SIDT1: variants seen among roughly 807,000 people sequenced by gnomAD.
The protein encoded by SIDT1 is SID1 transmembrane family member 1, also known as SID1 transmembrane family, member 1.
SIDT1 carries 101 observed loss-of-function variants against 107.5 expected under a neutral mutation model. The observed-to-expected ratio is 0.94, with a 90% CI of 0.80 to 1.11. The LOEUF (loss-of-function observed/expected upper bound fraction) is 1.11, where lower values mean the gene tolerates loss of function less well. SIDT1 is among the 50% of genes least tolerant of loss of function. SIDT1 has a pLI of 0.00. For synonymous variants in SIDT1, 395 were observed against 398.2 expected (o/e 0.99, Z 0.10); for missense variants, 1,076 against 1,058.2 (o/e 1.02, Z -0.23).
chr3:113,534,779 C>T (rs992936071), intron 1 of SIDT1, among the ~76,000 whole-genome samples: 2 of 152,194 alleles, frequency 1.3e-5, no homozygotes, highest in Non-Finnish European at 2.9e-5. Context: ...TGACATCAGG[C>T]TTTGGTATTT....
chr3:113,533,027 C>A lies in SIDT1; in HGVS notation c.6C>A (p.Arg2=). Residue 2 remains arginine, a synonymous_variant, in exon 1 of 25, where the codon CGC becomes CGA. Transcript: ENST00000264852. Reference sequence around the variant, plus strand: ...GCCCGGGCGCGGTGCCCACCATGCGCGGCTGCCTGCGGCTCGCGCTGCTCT... The same window carrying A: ...GCCCGGGCGCGGTGCCCACCATGCGAGGCTGCCTGCGGCTCGCGCTGCTCT... The part of the protein sequence containing the change: M[R]GCLRLALLCA... 7.3e-7 allele frequency: 1 copy of A among 1,370,246 alleles called. No individual in the cohort carries two copies. The highest frequency in any genetic ancestry group is 1.9e-5 in the South Asian group (1 of 53,756). The allele number at this position is 1,370,246 out of a possible 1,614,324, so 84.9% of individuals were successfully genotyped here.
At chr3:113,616,242 G>T (rs1946095560) in intron 20 of SIDT1, 66 bp downstream of exon 20, 1 of 1,272,676 alleles carries the variant, frequency 7.9e-7, no homozygotes, top group African/African-American at 1.5e-5. Context: ...GGAGGAACAG[G>T]CTTGGGGCAG....
chr3:113,619,727 G>A lies in SIDT1; in HGVS notation c.2090+1G>A. On this transcript the variant is annotated splice_donor_variant, in intron 21 of 24. Transcript: ENST00000264852. LOFTEE classifies it high-confidence loss of function. ...TGGGGAATCTGGTTAACTGGTCCTT[G>A]TAAGTAGTCTTATGAAAACATGTTT... 4.3e-6 allele frequency: 7 copies of A among 1,613,806 alleles called. No individual in the cohort carries two copies. The highest frequency in any genetic ancestry group is 5.9e-6 in the Non-Finnish European group (7 of 1,179,736).
chr3:113,547,665 A>G (rs1939751269), intron 1 of SIDT1, among the ~76,000 whole-genome samples: 1 of 152,096 alleles, frequency 6.6e-6, no homozygotes, highest in African/African-American at 2.4e-5. Context: ...AGTTGAATAT[A>G]CACCTTCTTT....
At chr3:113,578,085 T>C (rs1943044487) in intron 4 of SIDT1, among the ~76,000 whole-genome samples, 3 of 152,264 alleles carry the variant, frequency 2.0e-5, no homozygotes, top group Non-Finnish European at 4.4e-5. Flanking sequence ...GCCCTTAATA[T>C]ACTGCCCTCA....
intron 4 of SIDT1, among the ~76,000 whole-genome samples, chr3:113,580,019 A>T (rs1040742505): frequency 3.9e-5 from 6 of 152,144 alleles, no homozygotes; most frequent in Non-Finnish European, 5.9e-5. Flanking sequence ...CGCAATTGTG[A>T]ATGTATTTCT....
chr3:113,594,888 C>T (rs1356015605), intron 10 of SIDT1: 1 of 154,350 alleles, frequency 6.5e-6, no homozygotes, highest in African/African-American at 2.4e-5. Flanking sequence ...GGTCCATTTC[C>T]CTGCCATTCC....
At chr3:113,537,036 T>C (rs1177003202) in intron 1 of SIDT1, among the ~76,000 whole-genome samples, 1 of 152,248 alleles carries the variant, frequency 6.6e-6, no homozygotes, top group African/African-American at 2.4e-5. Flanking sequence ...AATACTCTTG[T>C]AGAGACAGTT....
rs115075958 is a variant in SIDT1 at position 113,589,042 on chromosome 3, G to T, written c.1001+3772G>T. 2.6e-3 allele frequency among the ~76,000 whole-genome samples: 392 copies of T among 152,280 alleles called. 1 individual carries two copies. The highest frequency in any genetic ancestry group is 8.7e-3 in the African/African-American group (363 of 41,550). ...GAAGCAGGCTAGCTGGGGCTTATTT[G>T]TTTCCAAGACAGACAGCAGAAGAGT... On this transcript the variant is annotated intron_variant, in intron 9 of 24. Transcript: ENST00000264852.
intron 1 of SIDT1, among the ~76,000 whole-genome samples, chr3:113,550,246 C>T (rs1940064129): frequency 6.6e-6 from 1 of 152,134 alleles, no homozygotes; most frequent in Admixed American, 6.5e-5. Context: ...ATGGTCAGCC[C>T]ATCAAGATTC....
At chr3:113,577,790 CTTG>C (rs1356212602) in intron 4 of SIDT1, among the ~76,000 whole-genome samples, 3 of 152,194 alleles carry the variant, frequency 2.0e-5, no homozygotes, top group Non-Finnish European at 4.4e-5. Context: ...TTAACATGGA[CTTG>C]TTGTAAATAT....
chr3:113,539,319 T>C (rs1394798618), intron 1 of SIDT1, among the ~76,000 whole-genome samples: 1 of 152,192 alleles, frequency 6.6e-6, no homozygotes, highest in Non-Finnish European at 1.5e-5. Flanking sequence ...GCAATTCAAG[T>C]TGGCTCCTGA....
At chr3:113,594,014 G>GA (rs1944364075) in intron 10 of SIDT1, among the ~76,000 whole-genome samples, 1 of 152,180 alleles carries the variant, frequency 6.6e-6, no homozygotes, top group Non-Finnish European at 1.5e-5. Flanking sequence ...CATAGAGCAA[G>GA]AATTTGGTTA....
At chr3:113,570,285 G>A (rs900668184) in intron 3 of SIDT1, among the ~76,000 whole-genome samples, 73 of 152,336 alleles carry the variant, frequency 4.8e-4, no homozygotes, top group Non-Finnish European at 9.6e-4. Context: ...CATTTGATGG[G>A]AGTGATAACG....
chr3:113,631,346 A>G (rs983080372), downstream of SIDT1, among the ~76,000 whole-genome samples: 1 of 152,200 alleles, frequency 6.6e-6, no homozygotes, highest in African/African-American at 2.4e-5. Context: ...GTGACAAAAC[A>G]GTCTCTGAAA....
chr3:113,584,690 TA>T lies in SIDT1; in HGVS notation c.836-5del. On this transcript the variant is annotated splice_polypyrimidine_tract_variant and splice_region_variant and intron_variant, in intron 7 of 24. Transcript: ENST00000264852. ...TGCTTTGTTCTTTTTTTATTTTTTT[TA>T]AACCAGAAAAGGAAAACCAGACCTG... 1 of 1,584,886 alleles carries T rather than the reference TA, an allele frequency of 6.3e-7. No individual in the cohort carries two copies. Among genetic ancestry groups the T allele is most frequent in the Non-Finnish European group, 8.6e-7 (1 of 1,165,618 alleles).
intron 10 of SIDT1, chr3:113,594,800 C>T (rs1401961644): frequency 6.5e-6 from 1 of 153,976 alleles, no homozygotes; most frequent in African/African-American, 2.4e-5. Flanking sequence ...CTCAAACCTG[C>T]TTAATCAAGA....
At chr3:113,609,829 A>T (rs951946178) in intron 17 of SIDT1, among the ~76,000 whole-genome samples, 1 of 152,220 alleles carries the variant, frequency 6.6e-6, no homozygotes. Flanking sequence ...ATATTTGCCT[A>T]GATCTACTTT....
At chr3:113,632,856 G>A (rs188515358), downstream of SIDT1, 52 of 152,468 alleles carry the variant, frequency 3.4e-4, 1 homozygote, top group Middle Eastern at 6.8e-3. Flanking sequence ...CCCGGGAGCA[G>A]GGGACCACCA....
Sources: gnomAD v4.1 joint callset for allele counts (sites outside exome capture counted in the v4.1 genomes callset) on GRCh38, gnomAD v4.1.1 for gene constraint, MANE v1.5 for transcripts, NCBI Gene and HGNC (gene_info 2026-07-23, HGNC 2026-07-21) for gene names.